The following CNTN1 variants were observed in gnomAD, a reference collection of about 807,000 sequenced individuals.
The protein encoded by CNTN1 is contactin 1.
Under a neutral mutation model 126.4 loss-of-function variants are expected in CNTN1, and 38 were observed. The observed-to-expected ratio is 0.30, with a 90% CI of 0.23 to 0.39. The LOEUF is 0.39. Among genes scored for constraint, CNTN1 ranks in the 10% least tolerant of loss-of-function variants. CNTN1 has a pLI of 1.00. For synonymous variants in CNTN1, 413 were observed against 422.6 expected, an observed-to-expected ratio of 0.98 and a Z score of 0.28; for missense variants, 1,009 against 1,248.4, an observed-to-expected ratio of 0.81 and a Z score of 2.89.
chr12:40,723,258 T>G (rs1232752633), intron 1 of CNTN1, among the ~76,000 whole-genome samples: 2 of 152,208 alleles, frequency 1.3e-5, no homozygotes, highest in Non-Finnish European at 2.9e-5. Flanking sequence ...GATCATTATT[T>G]TCATTGCATA....
intron 17 of CNTN1, among the ~76,000 whole-genome samples, chr12:40,998,925 TTAAAG>T (rs1417398364): frequency 6.6e-6 from 1 of 152,156 alleles, no homozygotes; most frequent in Non-Finnish European, 1.5e-5. Flanking sequence ...TTAACAAGAA[TTAAAG>T]TAGTCAATAT....
intron 17 of CNTN1, among the ~76,000 whole-genome samples, chr12:41,003,257 A>G (rs1202709445): frequency 1.3e-5 from 2 of 152,152 alleles, no homozygotes; most frequent in Admixed American, 6.5e-5. Flanking sequence ...ACTGATTTGC[A>G]TATGTTAAAC....
chr12:40,711,444 G>T (rs964852946), intron 1 of CNTN1, among the ~76,000 whole-genome samples: 12 of 151,912 alleles, frequency 7.9e-5, no homozygotes, highest in Non-Finnish European at 1.8e-4. Context: ...CACATTTTTA[G>T]GGACCTCACT....
chr12:40,694,735 G>A (rs981678213), intron 1 of CNTN1, among the ~76,000 whole-genome samples: 1 of 152,162 alleles, frequency 6.6e-6, no homozygotes, highest in African/African-American at 2.4e-5. Flanking sequence ...TAGGCAGTGC[G>A]AGCTGGCTTT....
intron 1 of CNTN1, among the ~76,000 whole-genome samples, chr12:40,698,457 T>C (rs1941509530): frequency 6.6e-6 from 1 of 151,846 alleles, no homozygotes; most frequent in Non-Finnish European, 1.5e-5. Context: ...AGGATGGTCT[T>C]GATCTCCTGA....
At chr12:40,832,959 C>G (rs1941904334) in intron 1 of CNTN1, among the ~76,000 whole-genome samples, 1 of 152,164 alleles carries the variant, frequency 6.6e-6, no homozygotes, top group South Asian at 2.1e-4. Flanking sequence ...ACACAGTTCC[C>G]CCTCTCTCCC....
At chr12:40,714,542 T>G (rs1942001515) in intron 1 of CNTN1, among the ~76,000 whole-genome samples, 1 of 152,158 alleles carries the variant, frequency 6.6e-6, no homozygotes, top group Non-Finnish European at 1.5e-5. Flanking sequence ...ATATTATATA[T>G]TATTTGCTTT....
intron 1 of CNTN1, among the ~76,000 whole-genome samples, chr12:40,902,201 A>G (rs1944633241): frequency 2.0e-5 from 3 of 152,206 alleles, no homozygotes. Flanking sequence ...CCACACACAC[A>G]TATCCATATA....
At chr12:40,922,969 TAAA>T (rs35911311) in intron 5 of CNTN1, among the ~76,000 whole-genome samples, 1 of 101,588 alleles carries the variant, frequency 9.8e-6, no homozygotes, top group Non-Finnish European at 1.9e-5. Flanking sequence ...GACTCTGCCT[TAAA>T]AAAAAAAAAA....
intron 1 of CNTN1, among the ~76,000 whole-genome samples, chr12:40,720,950 A>AATATATATATATTATATTAT (rs1555145165): frequency 0.027 from 4,069 of 150,304 alleles, 89 homozygotes; most frequent in Non-Finnish European, 0.044. Context: ...AAAAAAGAGA[A>AATATATATATATTATATTAT]ATATATATAT....
At chr12:41,047,889 A>G (rs1204426460) in intron 23 of CNTN1, among the ~76,000 whole-genome samples, 3 of 151,706 alleles carry the variant, frequency 2.0e-5, no homozygotes, top group African/African-American at 7.3e-5. Context: ...CTTTACTCTT[A>G]CCTCTGGTAC....
intron 1 of CNTN1, among the ~76,000 whole-genome samples, chr12:40,709,551 A>G (rs967655320): frequency 2.0e-5 from 3 of 152,340 alleles, no homozygotes; most frequent in African/African-American, 2.4e-5. Flanking sequence ...TTTAGCTCTG[A>G]AAGTCCTAGA....
intron 18 of CNTN1, among the ~76,000 whole-genome samples, chr12:41,014,962 A>G (rs900717097): frequency 6.6e-6 from 1 of 152,208 alleles, no homozygotes; most frequent in Non-Finnish European, 1.5e-5. Context: ...CATGGTTTAT[A>G]CAGATTCATT....
chr12:40,989,265 G>A (rs982509254), intron 16 of CNTN1, among the ~76,000 whole-genome samples: 6 of 152,176 alleles, frequency 3.9e-5, no homozygotes, highest in Non-Finnish European at 7.3e-5. Context: ...AAAGAAGATT[G>A]CATTAGGTAC....
chr12:40,781,054 T>C (rs1939781269), intron 1 of CNTN1, among the ~76,000 whole-genome samples: 1 of 151,962 alleles, frequency 6.6e-6, no homozygotes, highest in Non-Finnish European at 1.5e-5. Flanking sequence ...AAGCAGCTAA[T>C]AATGGGAACC....
intron 17 of CNTN1, among the ~76,000 whole-genome samples, chr12:41,001,479 A>G (rs1948358884): frequency 1.3e-5 from 2 of 151,980 alleles, no homozygotes; most frequent in South Asian, 4.1e-4. Flanking sequence ...AATTCTTTAT[A>G]GCTGCTGGAT....
Position 40,952,930 on chromosome 12 carries a change from C to T in CNTN1, c.1684-6184C>T, listed in dbSNP as rs569304395. Reference sequence around the variant, plus strand: ...TGCACTTCTTTCCAAACATCTATATCTCTCCCTTTACTCTGAACTTGAATG... The same window carrying T: ...TGCACTTCTTTCCAAACATCTATATTTCTCCCTTTACTCTGAACTTGAATG... On this transcript the variant is annotated intron_variant, in intron 14 of 23. Transcript: ENST00000551295. Among the ~76,000 whole-genome samples, 25 of 152,212 alleles carry T rather than the reference C, an allele frequency of 1.6e-4. No individual in the cohort carries two copies. In the South Asian group the frequency reaches 2.1e-3, roughly 13 times the overall value.
intron 23 of CNTN1, among the ~76,000 whole-genome samples, chr12:41,043,166 A>C (rs929621627): frequency 8.5e-5 from 13 of 152,312 alleles, no homozygotes; most frequent in African/African-American, 2.4e-4. Context: ...TAATTAAACT[A>C]AAGAGCTCCT....
At chr12:40,821,257 A>G (rs1234774694) in intron 1 of CNTN1, among the ~76,000 whole-genome samples, 2 of 152,210 alleles carry the variant, frequency 1.3e-5, no homozygotes, top group African/African-American at 4.8e-5. Flanking sequence ...ATCCAGAGAG[A>G]CAGATTGGCA....
Sources: allele counts gnomAD v4.1 joint callset (sites outside exome capture counted in the v4.1 genomes callset), GRCh38; gene constraint gnomAD v4.1.1; transcripts MANE v1.5; gene names NCBI Gene and HGNC (gene_info 2026-07-23, HGNC 2026-07-21).